The following DOCK2 variants were observed in gnomAD, a reference collection of about 807,000 sequenced individuals.
The protein encoded by DOCK2 is dedicator of cytokinesis protein 2.
A neutral mutation model predicts 248.9 loss-of-function variants in DOCK2; 87 were observed. The observed-to-expected ratio is 0.35, with a 90% CI of 0.29 to 0.42. The LOEUF (loss-of-function observed/expected upper bound fraction) is 0.42. Among genes scored for constraint, DOCK2 ranks in the 10% least tolerant of loss-of-function variants. The pLI is 1.00. For missense variants in DOCK2, 1,747 were observed against 2,300.2 expected (o/e 0.76, Z 4.92); for synonymous variants, 805 against 821.6 (o/e 0.98, Z 0.35).
At chr5:169,792,514 G>A (rs1344765659) in intron 25 of DOCK2, among the ~76,000 whole-genome samples, 2 of 151,858 alleles carry the variant, frequency 1.3e-5, no homozygotes, top group Admixed American at 6.6e-5. Flanking sequence ...GTCTTGTTAT[G>A]TTGCCCAGGC....
intron 27 of DOCK2, among the ~76,000 whole-genome samples, chr5:169,879,586 C>A (rs1338476139): frequency 6.6e-6 from 1 of 152,160 alleles, no homozygotes; most frequent in East Asian, 1.9e-4. Context: ...GTTTGCTAAC[C>A]CAACCAGGGG....
chr5:170,076,006 A>T lies in DOCK2; in HGVS notation c.4788A>T (p.Arg1596=), dbSNP rs777073396. Residue 1596 remains arginine (R), a synonymous_variant, in exon 47 of 52, where the codon CGA becomes CGT. Transcript: ENST00000520908. ...AGAAAAGGGTGTCAGATAACTTGCGACCCTTCCATGACCGGATGGAGGAAT... is the reference window on the plus strand; with the variant it reads ...AGAAAAGGGTGTCAGATAACTTGCGTCCCTTCCATGACCGGATGGAGGAAT... ...IHEKRVSDNL[R]PFHDRMEECF... 1 of 1,613,870 alleles carries T rather than the reference A, an allele frequency of 6.2e-7. No homozygotes were observed. The highest frequency in any genetic ancestry group is 1.3e-5 in the African/African-American group (1 of 74,868).
chr5:169,896,247 G>A (rs899442948), intron 27 of DOCK2, among the ~76,000 whole-genome samples: 8 of 152,176 alleles, frequency 5.3e-5, no homozygotes, highest in Non-Finnish European at 1.0e-4. Context: ...CATTCTGGAT[G>A]AGATCCAGAA....
chr5:169,907,575 A>C (rs1030545893), intron 27 of DOCK2, among the ~76,000 whole-genome samples: 1 of 152,238 alleles, frequency 6.6e-6, no homozygotes, highest in Non-Finnish European at 1.5e-5. Flanking sequence ...GCATTATCTA[A>C]TTGAATCCTC....
At chr5:169,670,724 A>G (rs1394423229) in intron 4 of DOCK2, 127 bp downstream of exon 4, 20 of 1,134,460 alleles carry the variant, frequency 1.8e-5, no homozygotes, top group Non-Finnish European at 2.4e-5. Flanking sequence ...GCCTGTGTAT[A>G]TTTGTGGGTC....
At chr5:169,883,458 G>A in intron 27 of DOCK2, 1 of 1,551,668 alleles carries the variant, frequency 6.4e-7, no homozygotes, top group Non-Finnish European at 8.7e-7. Context: ...AGTAGGCAAG[G>A]TCAGAAGACA....
At chr5:169,966,679 A>G (rs971418246) in intron 27 of DOCK2, among the ~76,000 whole-genome samples, 16 of 152,168 alleles carry the variant, frequency 1.1e-4, no homozygotes, top group African/African-American at 3.9e-4. Context: ...CAGGGACAGC[A>G]AGTGGCAGGA....
chr5:169,902,345 TG>T (rs1192343908), intron 27 of DOCK2, among the ~76,000 whole-genome samples: 1 of 152,216 alleles, frequency 6.6e-6, no homozygotes, highest in East Asian at 1.9e-4. Flanking sequence ...ATGATCCTCA[TG>T]TTCCCAGTGA....
At chr5:170,081,587 C>T in intron 50 of DOCK2, 2 of 495,368 alleles carry the variant, frequency 4.0e-6, no homozygotes, top group Non-Finnish European at 3.6e-6. Context: ...GATGTCAGGG[C>T]TTTGGGGCAA....
chr5:170,036,259 T>A (rs914144468), intron 35 of DOCK2, among the ~76,000 whole-genome samples: 1 of 152,152 alleles, frequency 6.6e-6, no homozygotes, highest in Admixed American at 6.5e-5. Context: ...CCTCCTGATA[T>A]GTGATGGCTG....
intron 2 of DOCK2, among the ~76,000 whole-genome samples, chr5:169,668,222 T>C (rs186465139): frequency 1.3e-5 from 2 of 152,340 alleles, no homozygotes; most frequent in Admixed American, 6.5e-5. Context: ...GTGCTTAGAA[T>C]GGTATTTTTA....
intron 30 of DOCK2, among the ~76,000 whole-genome samples, chr5:170,006,834 G>T (rs137952123): frequency 1.3e-5 from 2 of 152,138 alleles, no homozygotes; most frequent in Non-Finnish European, 2.9e-5. Context: ...TACTGACCGT[G>T]GTGTGTTAAA....
chr5:169,712,949 G>A (rs1343118850), intron 17 of DOCK2, among the ~76,000 whole-genome samples: 1 of 152,236 alleles, frequency 6.6e-6, no homozygotes, highest in Non-Finnish European at 1.5e-5. Flanking sequence ...GCTGTGAGGT[G>A]GAGCAAGGTT....
At chr5:170,082,714 G>A in intron 51 of DOCK2, 82 bp from the exon 52 acceptor site, 14 of 1,559,558 alleles carry the variant, frequency 9.0e-6, no homozygotes, top group Non-Finnish European at 1.2e-5. Flanking sequence ...TGAGGCCCTT[G>A]TGATTAGGAC....
chr5:169,758,810 T>A (rs1277914632), intron 23 of DOCK2, among the ~76,000 whole-genome samples: 1 of 152,224 alleles, frequency 6.6e-6, no homozygotes, highest in Non-Finnish European at 1.5e-5. Context: ...ATGTTAAGAA[T>A]CTCAGTTGTA....
At chr5:169,944,658 T>C (rs1284880723) in intron 27 of DOCK2, among the ~76,000 whole-genome samples, 1 of 152,206 alleles carries the variant, frequency 6.6e-6, no homozygotes, top group Non-Finnish European at 1.5e-5. Context: ...TTCACAATGA[T>C]TGGGAGCAAA....
intron 47 of DOCK2, among the ~76,000 whole-genome samples, chr5:170,076,302 TG>T (rs1390382010): frequency 6.6e-6 from 1 of 152,210 alleles, no homozygotes; most frequent in African/African-American, 2.4e-5. Flanking sequence ...AACTGGATTG[TG>T]CAGATACCAA....
chr5:169,810,943 G>A (rs1767701699), intron 26 of DOCK2, among the ~76,000 whole-genome samples: 1 of 151,364 alleles, frequency 6.6e-6, no homozygotes, highest in South Asian at 2.1e-4. Flanking sequence ...GGTTTTGGGT[G>A]CATGTATGTT....
chr5:169,641,256 C>A (rs572824458), intron 1 of DOCK2, among the ~76,000 whole-genome samples: 17 of 152,308 alleles, frequency 1.1e-4, no homozygotes, highest in Admixed American at 7.2e-4. Flanking sequence ...GAGACTCCAA[C>A]GTCTCTTTTT....
Sources: gnomAD v4.1 joint callset for allele counts (sites outside exome capture counted in the v4.1 genomes callset) on GRCh38, gnomAD v4.1.1 for gene constraint, MANE v1.5 for transcripts, NCBI Gene and HGNC (gene_info 2026-07-23, HGNC 2026-07-21) for gene names.